IPO11: variants seen among roughly 807,000 people sequenced by gnomAD.
IPO11 encodes importin-11.
A neutral mutation model predicts 143.2 loss-of-function variants in IPO11; 66 were observed. The observed-to-expected ratio is 0.46, with a 90% CI of 0.38 to 0.57. The LOEUF (loss-of-function observed/expected upper bound fraction) is 0.57. Among genes scored for constraint, IPO11 ranks in the 20% least tolerant of loss-of-function variants. The probability of loss-of-function intolerance (pLI) is 0.00; values close to 1 mark genes in which losing one functional copy is unlikely to be tolerated. For missense variants in IPO11, 1,026 were observed against 1,141.0 expected, an observed-to-expected ratio of 0.90 and a Z score of 1.45; for synonymous variants, 385 against 377.8, an observed-to-expected ratio of 1.02 and a Z score of -0.22.
At chr5:62,566,377 C>CAATG (rs1460156767) in intron 27 of IPO11, among the ~76,000 whole-genome samples, 1 of 152,114 alleles carries the variant, frequency 6.6e-6, no homozygotes, top group Non-Finnish European at 1.5e-5. Context: ...CTCTAATGAT[C>CAATG]AATGATGTTG....
chr5:62,562,298 T>C (rs1743799538), intron 27 of IPO11: 1 of 152,240 alleles, frequency 6.6e-6, no homozygotes. Context: ...GTTAAAAGAA[T>C]AATGATACTA....
In IPO11 at chr5:62,561,191, T is replaced by G; in HGVS notation, c.2516T>G (p.Ile839Ser). 2 of 1,611,352 alleles carry G rather than the reference T, an allele frequency of 1.2e-6. No homozygotes were observed. Among genetic ancestry groups the G allele is most frequent in the Non-Finnish European group, 1.7e-6 (2 of 1,178,612 alleles). The part of the protein sequence containing the change: ...IEMWVDRMDN[I>S]TQPERRKLSA... ...ATGTGGGTTGATCGAATGGACAACATTACCCAGCCTGAAAGAAGAAAACTT... is the reference window on the plus strand; with the variant it reads ...ATGTGGGTTGATCGAATGGACAACAGTACCCAGCCTGAAAGAAGAAAACTT... The change falls in exon 27 of 30, where the codon ATT becomes AGT. Residue 839 changes from isoleucine to serine, a missense_variant. Ile to Ser is a moderately radical substitution (Grantham distance 142). Coordinates refer to ENST00000325324, the MANE Select transcript of IPO11 (RefSeq NM_016338.5).
At chr5:62,625,644 G>A (rs1218309851) in intron 29 of IPO11, among the ~76,000 whole-genome samples, 2 of 152,174 alleles carry the variant, frequency 1.3e-5, no homozygotes, top group Non-Finnish European at 2.9e-5. Flanking sequence ...ACAAAACCAG[G>A]AATTTTTCCG....
In IPO11 at chr5:62,487,785, A is replaced by G. The variant is rs760338856; in HGVS notation, c.1233A>G (p.Val411=). 11 of 1,599,452 alleles carry G rather than the reference A, an allele frequency of 6.9e-6. No homozygotes were observed. Among genetic ancestry groups the G allele is most frequent in the Non-Finnish European group, 9.4e-6 (11 of 1,174,330 alleles). The change falls in exon 13 of 30, where the codon GTA becomes GTG. Residue 411 remains valine (V), a synonymous_variant. Coordinates refer to ENST00000325324, the MANE Select transcript of IPO11 (RefSeq NM_016338.5). ...WKYSLRPCTE[V]LFIDIFHEYN... ...TCCCTCTCCAGCCATGCACTGAAGTATTATTTATAGATATATTCCATGAAT... is the reference window on the plus strand; with the variant it reads ...TCCCTCTCCAGCCATGCACTGAAGTGTTATTTATAGATATATTCCATGAAT...
At chr5:62,542,568 T>TA (rs1219969988) in intron 24 of IPO11, among the ~76,000 whole-genome samples, 8 of 152,300 alleles carry the variant, frequency 5.3e-5, no homozygotes, top group African/African-American at 1.7e-4. Flanking sequence ...ATGTCATTGT[T>TA]ATACTAATTT....
chr5:62,585,061 C>T (rs946972222), intron 27 of IPO11, among the ~76,000 whole-genome samples: 3 of 152,140 alleles, frequency 2.0e-5, no homozygotes, highest in African/African-American at 7.2e-5. Context: ...CTTTGGTCTC[C>T]ATTTCTTCCA....
At chr5:62,467,624 G>T (rs1745616934) in intron 6 of IPO11, among the ~76,000 whole-genome samples, 1 of 151,978 alleles carries the variant, frequency 6.6e-6, no homozygotes, top group Non-Finnish European at 1.5e-5. Context: ...TTTTCTCCAG[G>T]CTGGAATGAG....
intron 1 of IPO11, among the ~76,000 whole-genome samples, chr5:62,436,904 T>C (rs184755331): frequency 5.8e-4 from 89 of 152,342 alleles, no homozygotes; most frequent in African/African-American, 2.1e-3. Context: ...ATAACACTTA[T>C]TAATCTCCTT....
chr5:62,463,673 A>C (rs76414835), intron 5 of IPO11, among the ~76,000 whole-genome samples: 1 of 101,334 alleles, frequency 9.9e-6, no homozygotes, highest in Non-Finnish European at 2.1e-5. Context: ...TCTTTGTCTC[A>C]AAAAAAAAAA....
chr5:62,551,167 T>C, intron 25 of IPO11, 56 bp from the exon 26 acceptor site: 1 of 911,536 alleles, frequency 1.1e-6, no homozygotes, highest in Non-Finnish European at 1.8e-6. Flanking sequence ...GTGTCAGTGA[T>C]TGTTTTTACT....
intron 29 of IPO11, among the ~76,000 whole-genome samples, chr5:62,619,162 G>C (rs879684538): frequency 6.6e-5 from 10 of 152,176 alleles, no homozygotes; most frequent in Non-Finnish European, 1.5e-4. Flanking sequence ...CCAGGAGGCG[G>C]AGGCTGTAGT....
chr5:62,583,404 C>T (rs1269553628), intron 27 of IPO11, among the ~76,000 whole-genome samples: 1 of 152,102 alleles, frequency 6.6e-6, no homozygotes, highest in African/African-American at 2.4e-5. Flanking sequence ...GTATTTTTAT[C>T]TTAAAATTCC....
At chr5:62,598,428 CTT>C (rs1329832322) in intron 28 of IPO11, among the ~76,000 whole-genome samples, 4 of 4,900 alleles carry the variant, frequency 8.2e-4, no homozygotes, top group East Asian at 4.0e-3. Context: ...TTCTTTCTTT[CTT>C]TCTCTCTCTC....
chr5:62,413,324 G>C (rs1743182180), intron 1 of IPO11: 1 of 152,176 alleles, frequency 6.6e-6, no homozygotes, highest in African/African-American at 2.4e-5. Context: ...CATTGTTACT[G>C]CGCACGCGAC....
At chr5:62,464,744 A>G (rs911142844) in intron 5 of IPO11, among the ~76,000 whole-genome samples, 1 of 152,168 alleles carries the variant, frequency 6.6e-6, no homozygotes, top group African/African-American at 2.4e-5. Flanking sequence ...AAGCACTGAC[A>G]TTACAGGCAT....
At chr5:62,599,926 A>G (rs1745441202) in intron 28 of IPO11, among the ~76,000 whole-genome samples, 1 of 152,200 alleles carries the variant, frequency 6.6e-6, no homozygotes, top group African/African-American at 2.4e-5. Context: ...GGACAGTTTT[A>G]GCTTTGGGCT....
At chr5:62,575,812 C>G (rs1561369453) in intron 27 of IPO11, 1 of 152,010 alleles carries the variant, frequency 6.6e-6, no homozygotes, top group Non-Finnish European at 1.5e-5. Context: ...TTTTTTCTTG[C>G]AACTGATAAG....
intron 27 of IPO11, among the ~76,000 whole-genome samples, chr5:62,582,329 C>T (rs187532148): frequency 3.9e-5 from 6 of 152,196 alleles, no homozygotes; most frequent in African/African-American, 1.4e-4. Flanking sequence ...AAATGAACTG[C>T]CTTGGTGATT....
At chr5:62,421,838 A>G (rs1743525774) in intron 1 of IPO11, among the ~76,000 whole-genome samples, 1 of 152,240 alleles carries the variant, frequency 6.6e-6, no homozygotes, top group Admixed American at 6.5e-5. Flanking sequence ...TTTTATAAAT[A>G]CAATGACAGG....
Sources: allele counts gnomAD v4.1 joint callset (sites outside exome capture counted in the v4.1 genomes callset), GRCh38; gene constraint gnomAD v4.1.1; transcripts MANE v1.5; gene names NCBI Gene and HGNC (gene_info 2026-07-23, HGNC 2026-07-21).